Variants in MAGI2 observed in about 807,000 individuals in gnomAD.
MAGI2 encodes the protein membrane associated guanylate kinase, WW and PDZ domain containing 2.
A neutral mutation model predicts 133.3 loss-of-function variants in MAGI2; 35 were observed. The ratio of observed to expected loss-of-function variants is 0.26; its 90% CI spans 0.20 to 0.35. The LOEUF (loss-of-function observed/expected upper bound fraction) is 0.35. Ranked by LOEUF, MAGI2 falls within the 10% of genes least tolerant of loss-of-function variation. MAGI2 has a pLI of 1.00. For synonymous variants in MAGI2, 729 were observed against 710.6 expected, an observed-to-expected ratio of 1.03 and a Z score of -0.41; for missense variants, 1,636 against 1,863.4, an observed-to-expected ratio of 0.88 and a Z score of 2.25.
At chr7:78,406,983 A>C (rs753059261) in intron 6 of MAGI2, among the ~76,000 whole-genome samples, 3 of 152,100 alleles carry the variant, frequency 2.0e-5, no homozygotes, top group Admixed American at 1.3e-4. Flanking sequence ...TGCAGCACAA[A>C]AAAAGCCCAA....
intron 1 of MAGI2, among the ~76,000 whole-genome samples, chr7:79,020,135 G>T (rs1325776827): frequency 1.3e-5 from 2 of 152,162 alleles, no homozygotes; most frequent in Non-Finnish European, 2.9e-5. Context: ...AACTTGTTGG[G>T]AACAGGAATA....
At chr7:78,824,458 T>C (rs550730899) in intron 2 of MAGI2, among the ~76,000 whole-genome samples, 1 of 152,338 alleles carries the variant, frequency 6.6e-6, no homozygotes, top group South Asian at 2.1e-4. Flanking sequence ...GACTTTTTAA[T>C]ATTCGCCATT....
chr7:79,021,533 C>T (rs140668185), intron 1 of MAGI2, among the ~76,000 whole-genome samples: 69 of 152,308 alleles, frequency 4.5e-4, no homozygotes, highest in Non-Finnish European at 8.7e-4. Flanking sequence ...AATGACTGCC[C>T]TATTGGATTT....
chr7:78,609,606 C>A (rs1044948029), intron 3 of MAGI2, among the ~76,000 whole-genome samples: 1 of 152,160 alleles, frequency 6.6e-6, no homozygotes, highest in Non-Finnish European at 1.5e-5. Context: ...AGCTGCTTAC[C>A]TGGTCATAGC....
intron 2 of MAGI2, among the ~76,000 whole-genome samples, chr7:78,960,268 A>C (rs185394434): frequency 1.1e-4 from 16 of 152,146 alleles, no homozygotes; most frequent in Non-Finnish European, 2.2e-4. Flanking sequence ...TTTGCAAAAA[A>C]GTCACATATT....
intron 9 of MAGI2, among the ~76,000 whole-genome samples, chr7:78,326,727 TG>T (rs1788626093): frequency 6.6e-6 from 1 of 152,210 alleles, no homozygotes; most frequent in African/African-American, 2.4e-5. Context: ...AATGATATCT[TG>T]GGAAGATTAT....
At chr7:78,718,757 G>A (rs969322583) in intron 2 of MAGI2, among the ~76,000 whole-genome samples, 1 of 151,902 alleles carries the variant, frequency 6.6e-6, no homozygotes, top group Non-Finnish European at 1.5e-5. Context: ...GAATCATCCC[G>A]AAACTATCCA....
chr7:78,608,919 G>A (rs1806127693), intron 3 of MAGI2, among the ~76,000 whole-genome samples: 1 of 152,130 alleles, frequency 6.6e-6, no homozygotes, highest in Admixed American at 6.5e-5. Flanking sequence ...AGTTTATTAA[G>A]CATTAACTTA....
At chr7:79,341,402 A>T (rs1840892632) in intron 1 of MAGI2, among the ~76,000 whole-genome samples, 2 of 151,508 alleles carry the variant, frequency 1.3e-5, no homozygotes, top group African/African-American at 2.4e-5. Flanking sequence ...TGTTTATTTA[A>T]AAAAAAAACA....
At chr7:78,579,411 G>A (rs532029089) in intron 3 of MAGI2, among the ~76,000 whole-genome samples, 2 of 152,150 alleles carry the variant, frequency 1.3e-5, no homozygotes, top group Non-Finnish European at 2.9e-5. Flanking sequence ...AGCAGAGGCA[G>A]GAAAGCTCTT....
In MAGI2 at chr7:78,343,888, T is replaced by C. The variant is rs141909314; in HGVS notation, c.1298A>G (p.Asn433Ser). 3 of 1,613,302 alleles carry C rather than the reference T, an allele frequency of 1.9e-6. No individual in the cohort carries two copies. Among genetic ancestry groups the C allele is most frequent in the African/African-American group, 2.7e-5 (2 of 74,828 alleles). Reference sequence around the variant, plus strand: ...AATGATGGTAAATCCAAAGCCCATGTTGCTCTTTTTTAGGGTGGTGCTGAG... The same window carrying C: ...AATGATGGTAAATCCAAAGCCCATGCTGCTCTTTTTTAGGGTGGTGCTGAG... ...TFLSTTLKKS[N>S]MGFGFTIIGG... Residue 433 changes from asparagine to serine, a missense_variant, in exon 9 of 22, where the codon AAC (asparagine) becomes AGC (serine). By Grantham distance (46) the Asn-to-Ser change is conservative. Transcript: ENST00000354212.
At chr7:78,661,295 G>T (rs1812931822) in intron 2 of MAGI2, among the ~76,000 whole-genome samples, 1 of 151,984 alleles carries the variant, frequency 6.6e-6, no homozygotes, top group South Asian at 2.1e-4. Context: ...CAGTTTGGGT[G>T]TCACCTTTAT....
Position 78,574,378 on chromosome 7 carries a change from G to A in MAGI2, c.539-52733C>T, listed in dbSNP as rs367621913. On this transcript the variant is annotated intron_variant, in intron 3 of 21. Coordinates refer to ENST00000354212, the MANE Select transcript of MAGI2 (RefSeq NM_012301.4). ...AATGTGTTGGCCTCTCCAGTCTTCTGATTCCTTGCCCATTTCTTTTTCTGC... is the reference window on the plus strand; with the variant it reads ...AATGTGTTGGCCTCTCCAGTCTTCTAATTCCTTGCCCATTTCTTTTTCTGC... Among the ~76,000 whole-genome samples the A allele has an allele frequency of 7.2e-5, 11 of 152,300 alleles. No homozygotes were observed. The South Asian group carries it at 2.3e-3, about 32-fold the overall frequency.
At chr7:79,365,867 CAAAAAA>C (rs71095399) in intron 1 of MAGI2, among the ~76,000 whole-genome samples, 24 of 48,874 alleles carry the variant, frequency 4.9e-4, no homozygotes, top group African/African-American at 1.1e-3. Flanking sequence ...ACTCTTGTCT[CAAAAAA>C]AAAAAAAAAA....
chr7:78,245,849 C>A (rs1208193732), intron 10 of MAGI2, among the ~76,000 whole-genome samples: 1 of 152,140 alleles, frequency 6.6e-6, no homozygotes, highest in African/African-American at 2.4e-5. Context: ...GGTGCCTTGC[C>A]CCCTGTGACC....
Position 79,021,308 on chromosome 7 carries a change from C to T in MAGI2, c.302-14102G>A, listed in dbSNP as rs558473975. The stretch of plus-strand genomic sequence containing the variant: ...GAGCTATGAGAAGAGGACCACCATC[C>T]TTCAGACCCTAGAATGGTTGATCCA... On this transcript the variant is annotated intron_variant, in intron 1 of 21. Coordinates refer to ENST00000354212, the MANE Select transcript of MAGI2 (RefSeq NM_012301.4). 2.6e-5 allele frequency among the ~76,000 whole-genome samples: 4 copies of T among 152,228 alleles called. No homozygotes were observed. The South Asian group carries it at 8.3e-4, about 32-fold the overall frequency.
chr7:78,147,166 C>T (rs1033500810), intron 16 of MAGI2, among the ~76,000 whole-genome samples: 4 of 152,134 alleles, frequency 2.6e-5, no homozygotes, highest in Admixed American at 2.6e-4. Context: ...TGAAAGAATG[C>T]AATTTCGCAT....
chr7:79,022,121 T>C (rs1809391992), intron 1 of MAGI2, among the ~76,000 whole-genome samples: 1 of 152,170 alleles, frequency 6.6e-6, no homozygotes, highest in Non-Finnish European at 1.5e-5. Context: ...TAAACCTCTT[T>C]CCTTTATAAA....
At chr7:78,249,476 T>A (rs771419593) in intron 10 of MAGI2, among the ~76,000 whole-genome samples, 5 of 151,986 alleles carry the variant, frequency 3.3e-5, no homozygotes, top group Admixed American at 6.6e-5. Context: ...CATCAATGGA[T>A]GAATGGTTAA....
Sources: allele counts gnomAD v4.1 joint callset (sites outside exome capture counted in the v4.1 genomes callset), GRCh38; gene constraint gnomAD v4.1.1; transcripts MANE v1.5; gene names NCBI Gene and HGNC (gene_info 2026-07-23, HGNC 2026-07-21).